Variants in CCDC141 observed in about 807,000 individuals in gnomAD.
CCDC141 encodes the protein coiled-coil domain containing 141, also known as coiled-coil domain-containing protein 141.
A neutral mutation model predicts 181.0 loss-of-function variants in CCDC141; 168 were observed. The observed-to-expected ratio is 0.93, with a 90% CI of 0.82 to 1.05. CCDC141 has a LOEUF of 1.05. Among genes scored for constraint, CCDC141 ranks in the 50% least tolerant of loss-of-function variants. The pLI, the probability that CCDC141 is intolerant of heterozygous loss-of-function variation, is 0.00. For missense variants in CCDC141, 1,902 were observed against 1,788.5 expected (o/e 1.06, Z -1.14); for synonymous variants, 666 against 642.3 (o/e 1.04, Z -0.56).
intron 2 of CCDC141, among the ~76,000 whole-genome samples, chr2:178,991,088 A>G (rs1417872370): frequency 6.6e-6 from 1 of 152,200 alleles, no homozygotes; most frequent in East Asian, 1.9e-4. Flanking sequence ...AACCTGCTGC[A>G]ACTCTGAGAC....
intron 7 of CCDC141, 147 bp from the exon 8 acceptor site, chr2:178,905,648 G>T: frequency 1.2e-6 from 1 of 807,926 alleles, no homozygotes; most frequent in South Asian, 2.0e-5. Context: ...TTGGAAGATT[G>T]TTGGAAAACA....
At chr2:178,848,976 T>C (rs1438327093) in intron 21 of CCDC141, among the ~76,000 whole-genome samples, 1 of 152,102 alleles carries the variant, frequency 6.6e-6, no homozygotes, top group Non-Finnish European at 1.5e-5. Context: ...AAGAAAAAGC[T>C]ATGCACGAAG....
chr2:179,039,302 C>T (rs928861790), intron 2 of CCDC141, among the ~76,000 whole-genome samples: 1 of 152,008 alleles, frequency 6.6e-6, no homozygotes, highest in Non-Finnish European at 1.5e-5. Flanking sequence ...GAATTTTTTT[C>T]TTTAGTCTAT....
At chr2:178,987,779 A>G (rs1268052305) in intron 2 of CCDC141, among the ~76,000 whole-genome samples, 1 of 150,322 alleles carries the variant, frequency 6.7e-6, no homozygotes, top group Non-Finnish European at 1.5e-5. Flanking sequence ...ATACCATCTC[A>G]CACCAGTTAG....
chr2:178,994,659 G>T (rs995340608), intron 2 of CCDC141, among the ~76,000 whole-genome samples: 1 of 152,164 alleles, frequency 6.6e-6, no homozygotes, highest in African/African-American at 2.4e-5. Flanking sequence ...CTCAGAAAAT[G>T]GGATTTTCTT....
chr2:178,875,676 T>C (rs1575158252), intron 12 of CCDC141: 1 of 152,084 alleles, frequency 6.6e-6, no homozygotes, highest in South Asian at 2.1e-4. Context: ...AAGAAAGTAT[T>C]GGAAAGATGG....
intron 2 of CCDC141, among the ~76,000 whole-genome samples, chr2:178,984,529 TAA>T (rs1345017784): frequency 2.0e-5 from 3 of 151,616 alleles, no homozygotes; most frequent in Non-Finnish European, 4.4e-5. Context: ...GCAAATTGGA[TAA>T]AGAGTCAAGA....
chr2:178,886,776 A>G lies in CCDC141; in HGVS notation c.1503T>C (p.Tyr501=), dbSNP rs1686906542. 3.4e-6 allele frequency: 5 copies of G among 1,458,740 alleles called. No homozygotes were observed. Among genetic ancestry groups the G allele is most frequent in the Non-Finnish European group, 4.6e-6 (5 of 1,089,478 alleles). 90.4% of individuals were successfully genotyped at this position (1,458,740 alleles called of 1,614,324 possible). The change falls in exon 10 of 24, where the codon TAT becomes TAC. Residue 501 remains tyrosine, a synonymous_variant. Transcript: ENST00000443758. ...CCTTAGCTTGGATATCTAGTTCCAG[A>G]TATTTATTCAAAATCTTCTCTGATT... The part of the protein sequence containing the change: ...RSESEKILNK[Y]LELDIQAKET...
Position 178,833,559 on chromosome 2 carries a change from A to C in CCDC141, c.*614T>G, listed in dbSNP as rs1489274797. 1 of 152,590 alleles carries C rather than the reference A, an allele frequency of 6.6e-6. No homozygotes were observed. The highest frequency in any genetic ancestry group is 1.5e-5 in the Non-Finnish European group (1 of 68,316). 9.5% of individuals were successfully genotyped at this position (152,590 alleles called of 1,614,324 possible). A position where few individuals can be genotyped will look rare whatever the true frequency, so the allele number is the denominator to read the frequency against. On this transcript the variant is annotated 3_prime_UTR_variant, in exon 24 of 24. Coordinates refer to ENST00000443758, the MANE Select transcript of CCDC141 (RefSeq NM_173648.4). The stretch of plus-strand genomic sequence containing the variant: ...GACAAAAGATGGAAACTCTATTTAA[A>C]GTTGATGGCACATCTATCCTCCAAT...
intron 22 of CCDC141, 73 bp from the exon 23 acceptor site, chr2:178,837,817 CAACTTCAGAGAGAT>C: frequency 6.6e-7 from 1 of 1,508,450 alleles, no homozygotes; most frequent in Non-Finnish European, 8.8e-7. Flanking sequence ...CAGTAAAACT[CAACTTCAGAGAGAT>C]AACTCGAGAC....
chr2:178,989,107 T>C (rs1050900228), intron 2 of CCDC141, among the ~76,000 whole-genome samples: 1 of 152,146 alleles, frequency 6.6e-6, no homozygotes, highest in Non-Finnish European at 1.5e-5. Flanking sequence ...GTTTTTTAGA[T>C]ACGACACCAG....
intron 2 of CCDC141, among the ~76,000 whole-genome samples, chr2:179,033,396 G>A (rs997357536): frequency 2.0e-5 from 3 of 152,090 alleles, no homozygotes. Flanking sequence ...TTTATAAAAG[G>A]GACTTGAGCA....
chr2:179,017,253 T>C (rs1468177473), intron 2 of CCDC141, among the ~76,000 whole-genome samples: 4 of 152,144 alleles, frequency 2.6e-5, no homozygotes, highest in Non-Finnish European at 4.4e-5. Context: ...ATAATACTTA[T>C]AGTTCTATCT....
Position 179,049,913 on chromosome 2 carries a change from G to A in CCDC141, c.29C>T (p.Ala10Val), listed in dbSNP as rs61397643. The A allele has an allele frequency of 0.11, 168,184 of 1,550,400 alleles. 9,966 individuals are homozygous for A. The highest frequency in any genetic ancestry group is 0.22 in the Admixed American group (11,156 of 50,992). The change falls in exon 1 of 24, where the codon GCG (alanine) becomes GTG (valine). Residue 10 changes from alanine (A) to valine (V), a missense_variant. Coordinates refer to ENST00000443758, the MANE Select transcript of CCDC141 (RefSeq NM_173648.4). ...TGAACTGACTGTCGTCGTAGAAAGC[G>A]CAACACTAGGACTTCCTTGGCTGGA... MSSQGSPSV[A>V]LSTTTVSSVA...
intron 7 of CCDC141, among the ~76,000 whole-genome samples, chr2:178,910,145 C>A (rs1330507011): frequency 1.3e-5 from 2 of 152,268 alleles, no homozygotes; most frequent in Non-Finnish European, 2.9e-5. Flanking sequence ...GCAGCCTGCA[C>A]CAAATCAAAT....
In CCDC141 at chr2:179,049,858, G is replaced by T; in HGVS notation, c.84C>A (p.Ile28=). 1 of 1,550,752 alleles carries T rather than the reference G, an allele frequency of 6.4e-7. No homozygotes were observed. The part of the protein sequence containing the change: ...SVAVQAGDSK[I]VIAVIKCGKW... The stretch of plus-strand genomic sequence containing the variant: ...AGCTTACCTTTATGACAGCTATAAC[G>T]ATTTTGGAGTCCCCAGCCTGCACAG... Residue 28 remains isoleucine, a synonymous_variant, in exon 1 of 24, where the codon ATC becomes ATA. Coordinates refer to ENST00000443758, the MANE Select transcript of CCDC141 (RefSeq NM_173648.4).
chr2:179,020,504 C>G (rs570462946), intron 2 of CCDC141, among the ~76,000 whole-genome samples: 1 of 152,274 alleles, frequency 6.6e-6, no homozygotes, highest in South Asian at 2.1e-4. Flanking sequence ...TAGATAGCAG[C>G]AGGCTTCCAT....
Position 178,837,647 on chromosome 2 carries a change from A to G in CCDC141, c.3572T>C (p.Val1191Ala). Residue 1191 changes from valine to alanine, a missense_variant, in exon 23 of 24, where the codon GTC becomes GCC. Coordinates refer to ENST00000443758, the MANE Select transcript of CCDC141 (RefSeq NM_173648.4). ...GTCTTCAGGCAGGAGCAGGTCCTGG[A>G]CGCCACCCTCCTTGTCAGTGGACAC... ...LKVSTDKEGG[V>A]QDLLLPEDML... The G allele has an allele frequency of 5.0e-6, 8 of 1,613,948 alleles. No homozygotes were observed. The highest frequency in any genetic ancestry group is 6.8e-6 in the Non-Finnish European group (8 of 1,179,930).
chr2:178,866,321 G>C (rs1386371991), intron 16 of CCDC141, among the ~76,000 whole-genome samples: 1 of 152,174 alleles, frequency 6.6e-6, no homozygotes, highest in Non-Finnish European at 1.5e-5. Context: ...CAGCACAGTG[G>C]GGCTGCCAGG....
Sources: allele counts gnomAD v4.1 joint callset (sites outside exome capture counted in the v4.1 genomes callset), GRCh38; gene constraint gnomAD v4.1.1; transcripts MANE v1.5; gene names NCBI Gene and HGNC (gene_info 2026-07-23, HGNC 2026-07-21).